FTO: variants seen among roughly 807,000 people sequenced by gnomAD.
FTO encodes FTO alpha-ketoglutarate dependent dioxygenase.
FTO carries 47 observed loss-of-function variants against 63.9 expected under a neutral mutation model. The observed-to-expected ratio is 0.74, with a 90% CI of 0.58 to 0.94. The LOEUF is 0.94. Ranked by LOEUF, FTO falls within the 40% of genes least tolerant of loss-of-function variation. The pLI is 0.00. For synonymous variants in FTO, 207 were observed against 224.4 expected, an observed-to-expected ratio of 0.92 and a Z score of 0.69; for missense variants, 562 against 618.1, an observed-to-expected ratio of 0.91 and a Z score of 0.96.
chr16:53,779,756 T>A (rs1474016763), intron 1 of FTO, among the ~76,000 whole-genome samples: 1 of 152,218 alleles, frequency 6.6e-6, no homozygotes, highest in African/African-American at 2.4e-5. Flanking sequence ...CTCAAACCTC[T>A]TATTAATTAA....
intron 4 of FTO, among the ~76,000 whole-genome samples, chr16:53,866,053 A>G (rs2080304079): frequency 6.6e-6 from 1 of 152,148 alleles, no homozygotes; most frequent in Non-Finnish European, 1.5e-5. Flanking sequence ...CATTCTTTAT[A>G]TGTTGAGGAA....
chr16:53,806,606 C>T (rs1340123763), intron 1 of FTO, among the ~76,000 whole-genome samples: 1 of 152,114 alleles, frequency 6.6e-6, no homozygotes, highest in Non-Finnish European at 1.5e-5. Flanking sequence ...TAGTTTATTC[C>T]ACTGTCCCCT....
At position 53,715,226 on chromosome 16, in the gene FTO, G is replaced by A. The variant is rs184114391; in HGVS notation, c.45+10997G>A. Among the ~76,000 whole-genome samples, 13 of 152,244 alleles carry A rather than the reference G, an allele frequency of 8.5e-5. 1 individual carries two copies. The highest frequency in any genetic ancestry group is 2.9e-5 in the Non-Finnish European group (2 of 68,010). ...TGCTTAATCTTAGCTATAGCCCAGGGTTGTCTTTTTGTTTTAAACAGAACA... is the reference window on the plus strand; with the variant it reads ...TGCTTAATCTTAGCTATAGCCCAGGATTGTCTTTTTGTTTTAAACAGAACA... On this transcript the variant is annotated intron_variant, in intron 1 of 8. Transcript: ENST00000471389.
intron 7 of FTO, among the ~76,000 whole-genome samples, chr16:53,907,431 C>G (rs1232263501): frequency 1.3e-5 from 2 of 152,206 alleles, no homozygotes; most frequent in African/African-American, 4.8e-5. Context: ...CACAAACTCT[C>G]TGCCACAGCC....
At chr16:54,070,114 TATC>T (rs1287073080) in intron 8 of FTO, 1 of 152,126 alleles carries the variant, frequency 6.6e-6, no homozygotes. Context: ...ACGTGTTAAT[TATC>T]ATTACTGGCA....
At position 54,116,932 on chromosome 16, in the gene FTO, T is replaced by G. The variant is rs11076021; in HGVS notation, c.*5017T>G. On this transcript the variant is annotated 3_prime_UTR_variant, in exon 9 of 9. Coordinates refer to ENST00000471389, the MANE Select transcript of FTO (RefSeq NM_001080432.3). The stretch of plus-strand genomic sequence containing the variant: ...ATAGTCCTGTGTCCCATCGGCCCCA[T>G]GCTCCCAGGACAGTCCTAATTCCCA... 6.6e-6 allele frequency: 1 copy of G among 151,968 alleles called. No homozygotes were observed. Among genetic ancestry groups the G allele is most frequent in the Non-Finnish European group, 1.5e-5 (1 of 68,036 alleles). 9.4% of individuals were successfully genotyped at this position (151,968 alleles called of 1,614,324 possible). A position where few individuals can be genotyped will look rare whatever the true frequency, so the allele number is the denominator to read the frequency against.
chr16:53,897,434 A>T (rs190344147), intron 7 of FTO, among the ~76,000 whole-genome samples: 1 of 152,208 alleles, frequency 6.6e-6, no homozygotes, highest in African/African-American at 2.4e-5. Flanking sequence ...ACATATCTGC[A>T]TAGCCATATC....
chr16:54,054,260 A>C (rs1458438208), intron 8 of FTO, among the ~76,000 whole-genome samples: 1 of 152,172 alleles, frequency 6.6e-6, no homozygotes, highest in East Asian at 1.9e-4. Flanking sequence ...ACTCCATTAC[A>C]CTAACCATAA....
At chr16:54,082,586 T>C (rs1409427500) in intron 8 of FTO, among the ~76,000 whole-genome samples, 1 of 152,244 alleles carries the variant, frequency 6.6e-6, no homozygotes, top group Non-Finnish European at 1.5e-5. Context: ...AGAGTCCTTC[T>C]TCCACCTCAG....
At chr16:54,093,180 C>T (rs760354011) in intron 8 of FTO, among the ~76,000 whole-genome samples, 18 of 152,172 alleles carry the variant, frequency 1.2e-4, no homozygotes, top group Non-Finnish European at 1.6e-4. Context: ...ACCCTGGCCC[C>T]GGAACTTACT....
At chr16:54,003,318 T>G (rs1350443449) in intron 8 of FTO, among the ~76,000 whole-genome samples, 1 of 152,202 alleles carries the variant, frequency 6.6e-6, no homozygotes, top group Non-Finnish European at 1.5e-5. Context: ...TATGCAACTA[T>G]GGGAAGAAGA....
intron 8 of FTO, among the ~76,000 whole-genome samples, chr16:53,975,986 T>TG (rs1203969046): frequency 6.6e-6 from 1 of 152,192 alleles, no homozygotes; most frequent in Admixed American, 6.5e-5. Context: ...CCAGAGTCTT[T>TG]GCTGATCATC....
At chr16:53,782,353 C>CT (rs2077609320) in intron 1 of FTO, among the ~76,000 whole-genome samples, 1 of 152,176 alleles carries the variant, frequency 6.6e-6, no homozygotes, top group Non-Finnish European at 1.5e-5. Context: ...CAGTTGCCCA[C>CT]TGTGGCAATC....
chr16:53,810,664 TC>T (rs1210739358), intron 2 of FTO, among the ~76,000 whole-genome samples: 1 of 152,176 alleles, frequency 6.6e-6, no homozygotes, highest in African/African-American at 2.4e-5. Context: ...ATTACAGAAT[TC>T]CGTGTCTCTG....
intron 8 of FTO, among the ~76,000 whole-genome samples, chr16:53,969,197 C>T (rs1330935220): frequency 6.7e-6 from 1 of 150,052 alleles, no homozygotes; most frequent in Non-Finnish European, 1.5e-5. Flanking sequence ...TGCCATCTGT[C>T]CTTTATATTA....
At chr16:53,998,432 A>G (rs1475866562) in intron 8 of FTO, 2 of 152,240 alleles carry the variant, frequency 1.3e-5, no homozygotes, top group Non-Finnish European at 2.9e-5. Flanking sequence ...AGGCCTCTCA[A>G]TCAGAGACTT....
intron 1 of FTO, among the ~76,000 whole-genome samples, chr16:53,706,079 G>A (rs2151451880): frequency 6.6e-6 from 1 of 152,194 alleles, no homozygotes; most frequent in East Asian, 1.9e-4. Context: ...CCAAATTCAA[G>A]GCTTTTCCCA....
intron 1 of FTO, among the ~76,000 whole-genome samples, chr16:53,756,490 C>T (rs1861868): frequency 0.41 from 61,603 of 152,004 alleles, 13,281 homozygotes; most frequent in Middle Eastern, 0.56. Context: ...CTTTGGTTTC[C>T]GGCCATAAAG....
At chr16:54,020,859 C>T (rs758948901) in intron 8 of FTO, among the ~76,000 whole-genome samples, 1 of 152,150 alleles carries the variant, frequency 6.6e-6, no homozygotes, top group Non-Finnish European at 1.5e-5. Context: ...GTAATCCCAG[C>T]TACTTGGGAG....
Sources: allele counts gnomAD v4.1 joint callset (sites outside exome capture counted in the v4.1 genomes callset), GRCh38; gene constraint gnomAD v4.1.1; transcripts MANE v1.5; gene names NCBI Gene and HGNC (gene_info 2026-07-23, HGNC 2026-07-21).